Variants in TRPM6 observed in about 807,000 individuals in gnomAD.
TRPM6 encodes the protein transient receptor potential cation channel subfamily M member 6.
In TRPM6, 111 loss-of-function variants were observed where a neutral mutation model predicts 247.6. The observed-to-expected ratio is 0.45, with a 90% CI of 0.38 to 0.52. TRPM6 has a LOEUF of 0.52. Among genes scored for constraint, TRPM6 ranks in the 20% least tolerant of loss-of-function variants. The pLI is 0.00. For synonymous variants in TRPM6, 892 were observed against 853.8 expected (o/e 1.04, Z -0.78); for missense variants, 2,126 against 2,421.5 (o/e 0.88, Z 2.56).
chr9:74,800,352 C>G lies in TRPM6; in HGVS notation c.2140G>C (p.Gly714Arg). 6.2e-7 allele frequency: 1 copy of G among 1,614,050 alleles called. No individual in the cohort carries two copies. The highest frequency in any genetic ancestry group is 1.1e-5 in the South Asian group (1 of 91,072). ...NSTCLKLAVS[G>R]GLRPFVSHTC... ...TGTGAAACAAAGGGTCGTAATCCTCCCGACACGGCCAGTTTAAGGCAGGTC... is the reference window on the plus strand; with the variant it reads ...TGTGAAACAAAGGGTCGTAATCCTCGCGACACGGCCAGTTTAAGGCAGGTC... The change falls in exon 17 of 39, where the codon GGA becomes CGA. Residue 714 changes from glycine (G) to arginine (R), a missense_variant. Physicochemically the swap from Gly to Arg is moderately radical, Grantham distance 125. This residue lies in a region of TRPM6 where 1,082 missense variants were observed against 1,307.9 expected (regional missense o/e 0.83). Transcript: ENST00000360774.
intron 8 of TRPM6, 64 bp downstream of exon 8, chr9:74,821,605 A>G (rs941175691): frequency 1.3e-6 from 2 of 1,586,598 alleles, no homozygotes; most frequent in African/African-American, 2.7e-5. Flanking sequence ...TGCACAGCCA[A>G]AAGAACTAAA....
chr9:74,728,211 A>AG (rs1458739418), intron 38 of TRPM6, 28 bp downstream of exon 38: 1 of 1,489,314 alleles, frequency 6.7e-7, no homozygotes, highest in Non-Finnish European at 9.4e-7. Flanking sequence ...AGATTTACTT[A>AG]GAGAAAAAAG....
chr9:74,780,429 G>C (rs1827395247), intron 23 of TRPM6, among the ~76,000 whole-genome samples: 1 of 151,810 alleles, frequency 6.6e-6, no homozygotes, highest in Admixed American at 6.6e-5. Flanking sequence ...ACTCTAGCCT[G>C]GGTGACAAAA....
chr9:74,792,576 G>A (rs1200232957), intron 19 of TRPM6, 48 bp downstream of exon 19: 3 of 1,586,290 alleles, frequency 1.9e-6, no homozygotes, highest in African/African-American at 1.3e-5. Flanking sequence ...ATCATCACTA[G>A]CTATCAATCA....
intron 9 of TRPM6, among the ~76,000 whole-genome samples, chr9:74,817,424 CA>C (rs1222771754): frequency 6.6e-6 from 1 of 152,174 alleles, no homozygotes; most frequent in East Asian, 1.9e-4. Flanking sequence ...TTCCTGGGCT[CA>C]GGCGATCCTC....
intron 27 of TRPM6, among the ~76,000 whole-genome samples, chr9:74,757,555 G>C (rs1826470043): frequency 8.5e-6 from 1 of 118,278 alleles, no homozygotes; most frequent in African/African-American, 3.3e-5. Context: ...GACAGAGAGA[G>C]ACCCTGTCAA....
rs758219143 is a variant in TRPM6, at chr9:74,812,390, T to C, written c.1352A>G (p.Asp451Gly). ...TAAGAGCTTCACAAAATCCACCCGA[T>C]CCATCACTAAAGCATCTGACATTGC... ...EQAMSDALVM[D>G]RVDFVKLLIE... is the part of the protein sequence containing the mutation. Residue 451 changes from aspartate to glycine, a missense_variant, in exon 12 of 39, where the codon GAT becomes GGT. This residue lies in a region of TRPM6 where 1,082 missense variants were observed against 1,307.9 expected (regional missense o/e 0.83). Coordinates refer to ENST00000360774, the MANE Select transcript of TRPM6 (RefSeq NM_017662.5). The C allele has an allele frequency of 1.7e-5, 28 of 1,613,982 alleles. No homozygotes were observed. Among genetic ancestry groups the C allele is most frequent in the Non-Finnish European group, 2.4e-5 (28 of 1,179,958 alleles).
Position 74,808,021 on chromosome 9 carries a change from T to G in TRPM6, c.1638+13A>C, listed in dbSNP as rs1225376142. On this transcript the variant is annotated intron_variant, in intron 14 of 38. Transcript: ENST00000360774. ...ATTCTCAATTTTACTTGGGCACTTT[T>G]CAATTACTCTACCTTGTATTTTCTG... 6.2e-7 allele frequency: 1 copy of G among 1,613,670 alleles called. No individual in the cohort carries two copies. Among genetic ancestry groups the G allele is most frequent in the Non-Finnish European group, 8.5e-7 (1 of 1,179,802 alleles).
At chr9:74,810,348 G>T (rs1828687218) in intron 13 of TRPM6, among the ~76,000 whole-genome samples, 2 of 152,078 alleles carry the variant, frequency 1.3e-5, no homozygotes, top group Admixed American at 1.3e-4. Flanking sequence ...GAACAGGGAG[G>T]GGAACCACCT....
At chr9:74,769,926 C>T (rs909416345) in intron 25 of TRPM6, among the ~76,000 whole-genome samples, 4 of 152,134 alleles carry the variant, frequency 2.6e-5, no homozygotes, top group Non-Finnish European at 5.9e-5. Flanking sequence ...TCATACAAAA[C>T]GGAGAACCAA....
At chr9:74,817,553 A>C (rs1292160966) in intron 9 of TRPM6, among the ~76,000 whole-genome samples, 1 of 152,192 alleles carries the variant, frequency 6.6e-6, no homozygotes, top group African/African-American at 2.4e-5. Flanking sequence ...AGGTAATTAC[A>C]GTGGACCCAA....
At chr9:74,775,539 A>G (rs1564008096) in intron 24 of TRPM6, among the ~76,000 whole-genome samples, 1 of 152,208 alleles carries the variant, frequency 6.6e-6, no homozygotes. Flanking sequence ...CAAGGAGAAC[A>G]GTACACGTCA....
At chr9:74,828,024 C>A in intron 6 of TRPM6, 75 bp from the exon 7 acceptor site, 1 of 1,458,628 alleles carries the variant, frequency 6.9e-7, no homozygotes, top group Admixed American at 1.8e-5. Flanking sequence ...AAAGGCCTAT[C>A]TTTATGTGCT....
chr9:74,739,565 C>A (rs1563990946), intron 34 of TRPM6, 116 bp from the exon 35 acceptor site: 1 of 1,489,470 alleles, frequency 6.7e-7, no homozygotes, highest in Non-Finnish European at 9.3e-7. Flanking sequence ...CCCACCACTG[C>A]CTGCCCCAAA....
rs746906678 is a variant in TRPM6, at chr9:74,820,297, T to C, written c.1134+7A>G. On this transcript the variant is annotated splice_region_variant and intron_variant, in intron 9 of 38. Transcript: ENST00000360774. ...AGTCAGTTGAATCATCAACTCGTCATACTCACACAATCCCTGTGAACCATA... is the reference window on the plus strand; with the variant it reads ...AGTCAGTTGAATCATCAACTCGTCACACTCACACAATCCCTGTGAACCATA... 1 of 1,614,006 alleles carries C rather than the reference T, an allele frequency of 6.2e-7. No homozygotes were observed. Among genetic ancestry groups the C allele is most frequent in the Admixed American group, 1.7e-5 (1 of 60,026 alleles).
At chr9:74,747,818 A>AAT in intron 31 of TRPM6, 71 bp downstream of exon 31, 1 of 1,267,614 alleles carries the variant, frequency 7.9e-7, no homozygotes, top group Non-Finnish European at 1.1e-6. Flanking sequence ...CAAAAATATC[A>AAT]GCAGGACAGT....
At chr9:74,750,425 T>C (rs1306829703) in intron 30 of TRPM6, among the ~76,000 whole-genome samples, 1 of 152,170 alleles carries the variant, frequency 6.6e-6, no homozygotes, top group African/African-American at 2.4e-5. Context: ...AATGTTTAAT[T>C]TGTTGTAGGA....
chr9:74,835,892 C>T lies in TRPM6; in HGVS notation c.545-1770G>A, dbSNP rs117287403. On this transcript the variant is annotated intron_variant, in intron 5 of 38. Coordinates refer to ENST00000360774, the MANE Select transcript of TRPM6 (RefSeq NM_017662.5). ...TGCTCCCACACAAACACAGCCTCCC[C>T]GACTATCAGCATCCCCCAGGAGACT... Among the ~76,000 whole-genome samples the T allele has an allele frequency of 5.7e-4, 86 of 152,210 alleles. No homozygotes were observed. The East Asian group carries it at 0.015, about 26-fold the overall frequency.
At chr9:74,881,138 A>T (rs888576106) in intron 1 of TRPM6, among the ~76,000 whole-genome samples, 2 of 152,044 alleles carry the variant, frequency 1.3e-5, no homozygotes, top group African/African-American at 2.4e-5. Flanking sequence ...CTACAAAAAA[A>T]TTTTTTTAAT....
Sources: gnomAD v4.1 joint callset for allele counts (sites outside exome capture counted in the v4.1 genomes callset) on GRCh38, gnomAD v4.1.1 for gene constraint, gnomAD v4.1.1 regional missense constraint, MANE v1.5 for transcripts, NCBI Gene and HGNC (gene_info 2026-07-23, HGNC 2026-07-21) for gene names.